NTRK3: variants seen among roughly 807,000 people sequenced by gnomAD.
NTRK3 encodes the protein NT-3 growth factor receptor.
NTRK3 carries 24 observed loss-of-function variants against 91.7 expected under a neutral mutation model. The observed-to-expected ratio is 0.26, with a 90% CI of 0.19 to 0.37. NTRK3 has a LOEUF of 0.37. NTRK3 is among the 10% of genes least tolerant of loss of function. The pLI, the probability that NTRK3 is intolerant of heterozygous loss-of-function variation, is 1.00. For missense variants in NTRK3, 880 were observed against 1,068.9 expected, an observed-to-expected ratio of 0.82 and a Z score of 2.46; for synonymous variants, 483 against 404.0, an observed-to-expected ratio of 1.20 and a Z score of -2.34.
chr15:88,170,670 G>A (rs908517988), intron 5 of NTRK3, among the ~76,000 whole-genome samples: 7 of 152,178 alleles, frequency 4.6e-5, no homozygotes, highest in Non-Finnish European at 7.4e-5. Flanking sequence ...CACGACCAGG[G>A]CAGCAGAAGA....
chr15:88,256,567 C>T, intron 1 of NTRK3, 77 bp downstream of exon 1: 1 of 499,754 alleles, frequency 2.0e-6, no homozygotes, highest in South Asian at 4.0e-5. Context: ...CACCAAGTCC[C>T]ACCTACTGGG....
exon 19 of NTRK3, chr15:87,869,406 G>A (rs1021727207): frequency 9.3e-5 from 21 of 225,856 alleles, no homozygotes; most frequent in Middle Eastern, 1.3e-3. Flanking sequence ...TGTCAACATC[G>A]TCTGACAGCA....
At chr15:88,254,121 C>T (rs1289809063) in intron 3 of NTRK3, among the ~76,000 whole-genome samples, 1 of 152,188 alleles carries the variant, frequency 6.6e-6, no homozygotes, top group Non-Finnish European at 1.5e-5. Context: ...TGGCCCACCC[C>T]TGGCAATCTC....
intron 13 of NTRK3, among the ~76,000 whole-genome samples, chr15:88,036,957 C>T (rs1430126589): frequency 6.6e-6 from 1 of 152,160 alleles, no homozygotes; most frequent in African/African-American, 2.4e-5. Flanking sequence ...ACATAAAGTC[C>T]ATAGATAGCA....
chr15:88,180,692 A>AAAG (rs1376991121), intron 5 of NTRK3, among the ~76,000 whole-genome samples: 2 of 151,482 alleles, frequency 1.3e-5, no homozygotes, highest in African/African-American at 4.9e-5. Context: ...AAAAAAAAAA[A>AAAG]AAAAAAAAGC....
chr15:87,894,683 C>T (rs1417479647), intron 17 of NTRK3, among the ~76,000 whole-genome samples: 2 of 152,174 alleles, frequency 1.3e-5, no homozygotes, highest in East Asian at 3.8e-4. Flanking sequence ...CTGGAATGAA[C>T]CTTTCTCACT....
Position 88,237,680 on chromosome 15 carries a change from C to T in NTRK3, c.248+18226G>A, listed in dbSNP as rs6496471. Among the ~76,000 whole-genome samples, 131,578 of 152,098 alleles carry T rather than the reference C, an allele frequency of 0.87. 57,092 individuals are homozygous for T. The highest frequency in any genetic ancestry group is 0.99 in the East Asian group (5,141 of 5,182). ...TATCCACCTCTATTCCACCTAAGAC[C>T]GTGCAACTTCTTCCACAGGGCTCTC... On this transcript the variant is annotated intron_variant, in intron 3 of 18. Transcript: ENST00000394480. The surrounding 1 kb of genome is among the most constrained non-coding windows in gnomAD (Gnocchi z 4.0).
intron 13 of NTRK3, among the ~76,000 whole-genome samples, chr15:88,080,075 A>G (rs2047912552): frequency 6.6e-6 from 1 of 152,230 alleles, no homozygotes; most frequent in Non-Finnish European, 1.5e-5. Flanking sequence ...CATTATTTGA[A>G]TGAACCATGA....
At chr15:88,120,920 T>G (rs550166541) in intron 13 of NTRK3, among the ~76,000 whole-genome samples, 1 of 152,360 alleles carries the variant, frequency 6.6e-6, no homozygotes, top group East Asian at 1.9e-4. Flanking sequence ...AATGGGCACA[T>G]TAGCCTAATA....
chr15:87,880,515 C>T (rs2141471352), intron 17 of NTRK3, 87 bp from the exon 19 acceptor site: 1 of 1,351,560 alleles, frequency 7.4e-7, no homozygotes, highest in South Asian at 1.2e-5. Context: ...CATAGATGCA[C>T]TCTTGATGCA....
intron 17 of NTRK3, 110 bp from the exon 19 acceptor site, chr15:87,880,538 A>G: frequency 7.9e-7 from 1 of 1,265,642 alleles, no homozygotes; most frequent in Non-Finnish European, 1.1e-6. Flanking sequence ...CTATTCTAAG[A>G]TAGTCACAGC....
At chr15:88,024,448 G>A (rs2077856699) in intron 14 of NTRK3, among the ~76,000 whole-genome samples, 1 of 152,164 alleles carries the variant, frequency 6.6e-6, no homozygotes, top group Admixed American at 6.5e-5. Context: ...GGGATCAGTG[G>A]ATGTTTGTTG....
chr15:87,910,443 G>C lies in NTRK3; in HGVS notation c.2133+18748C>G, dbSNP rs143281321. Reference sequence around the variant, plus strand: ...GTTTTCACGGATGCTAACGGTTGCTGAGGTGCTAGCACTCAGAGAAGCAGG... The same window carrying C: ...GTTTTCACGGATGCTAACGGTTGCTCAGGTGCTAGCACTCAGAGAAGCAGG... On this transcript the variant is annotated intron_variant, in intron 17 of 18. Transcript: ENST00000394480. Among the ~76,000 whole-genome samples, 339 of 152,326 alleles carry C rather than the reference G, an allele frequency of 2.2e-3. 1 individual carries two copies. Among genetic ancestry groups the C allele is most frequent in the African/African-American group, 7.5e-3 (310 of 41,572 alleles).
At chr15:87,883,987 G>GAA (rs397829494) in intron 17 of NTRK3, among the ~76,000 whole-genome samples, 74 of 136,836 alleles carry the variant, frequency 5.4e-4, no homozygotes, top group Middle Eastern at 4.2e-3. Flanking sequence ...GATTCAGCAA[G>GAA]AAAAAAAAAA....
chr15:87,965,028 T>C (rs1212520767), intron 14 of NTRK3, among the ~76,000 whole-genome samples: 1 of 152,218 alleles, frequency 6.6e-6, no homozygotes, highest in Non-Finnish European at 1.5e-5. Context: ...ATTTTTAACA[T>C]TGCAAAAGAT....
Position 88,243,343 on chromosome 15 carries a change from T to A in NTRK3, c.248+12563A>T, listed in dbSNP as rs958650902. Among the ~76,000 whole-genome samples the A allele has an allele frequency of 6.6e-6, 1 of 152,118 alleles. No individual in the cohort carries two copies. The highest frequency in any genetic ancestry group is 1.5e-5 in the Non-Finnish European group (1 of 68,026). The stretch of plus-strand genomic sequence containing the variant: ...TAAATAACTTCCTGAGCCTGGCCCG[T>A]CTGCCAACGCTCCCTCCTGGATCTC... On this transcript the variant is annotated intron_variant, in intron 3 of 18. Transcript: ENST00000394480. The surrounding 1 kb of genome is among the most constrained non-coding windows in gnomAD (Gnocchi z 4.8).
chr15:88,183,692 G>A (rs548823732), intron 4 of NTRK3, among the ~76,000 whole-genome samples: 32 of 152,292 alleles, frequency 2.1e-4, no homozygotes, highest in African/African-American at 7.2e-4. Flanking sequence ...CCAGGGCCCC[G>A]TGAGGCTGGG....
intron 9 of NTRK3, among the ~76,000 whole-genome samples, chr15:88,135,634 A>G (rs2041804341): frequency 6.6e-6 from 1 of 152,172 alleles, no homozygotes; most frequent in South Asian, 2.1e-4. Context: ...GGGTTTCATA[A>G]AAGGCAGAAT....
chr15:88,181,817 G>T (rs1442817589), intron 5 of NTRK3, among the ~76,000 whole-genome samples: 1 of 152,226 alleles, frequency 6.6e-6, no homozygotes, highest in Non-Finnish European at 1.5e-5. Context: ...ACTGATGACT[G>T]GTTGCCTCTT....
Sources: allele counts gnomAD v4.1 joint callset (sites outside exome capture counted in the v4.1 genomes callset), GRCh38; gene constraint gnomAD v4.1.1; non-coding constraint Gnocchi (gnomAD v3.1); transcripts MANE v1.5; gene names NCBI Gene and HGNC (gene_info 2026-07-23, HGNC 2026-07-21).